The following NSD2 variants were observed in gnomAD, a reference collection of about 807,000 sequenced individuals.
NSD2 encodes nuclear receptor binding SET domain protein 2, also known as histone-lysine N-methyltransferase NSD2.
NSD2 carries 12 observed loss-of-function variants against 139.0 expected under a neutral mutation model. The ratio of observed to expected loss-of-function variants is 0.09; its 90% confidence interval spans 0.06 to 0.14. The LOEUF (loss-of-function observed/expected upper bound fraction) is 0.14. Ranked by LOEUF, NSD2 falls within the 10% of genes least tolerant of loss-of-function variation. The pLI is 1.00. For missense variants in NSD2, 1,155 were observed against 1,745.0 expected (o/e 0.66, Z 6.02); for synonymous variants, 669 against 648.7 (o/e 1.03, Z -0.48).
At position 1,979,726 on chromosome 4, in the gene NSD2, A is replaced by G. The variant is rs1052150405; in HGVS notation, c.*817A>G. The G allele has an allele frequency of 2.6e-5, 6 of 231,866 alleles. No homozygotes were observed. The highest frequency in any genetic ancestry group is 1.8e-4 in the East Asian group (3 of 16,442). 14.4% of individuals were successfully genotyped at this position (231,866 alleles called of 1,614,324 possible). On this transcript the variant is annotated 3_prime_UTR_variant, in exon 22 of 22. Coordinates refer to ENST00000508803, the MANE Select transcript of NSD2 (RefSeq NM_001042424.3). ...GGGGATAACTTTGTATATTTTTTTC[A>G]TTTGGCTTTTCTTTACCAGTTTCTG...
At chr4:1,898,387 A>C (rs530867871) in intron 1 of NSD2, among the ~76,000 whole-genome samples, 1 of 152,174 alleles carries the variant, frequency 6.6e-6, no homozygotes, top group Non-Finnish European at 1.5e-5. Context: ...TTTCGTGGCC[A>C]GGTGCGGTGG....
intron 4 of NSD2, among the ~76,000 whole-genome samples, chr4:1,917,288 T>C (rs551967093): frequency 1.2e-4 from 18 of 152,274 alleles, no homozygotes; most frequent in African/African-American, 3.9e-4. Context: ...TATATACACA[T>C]ATATGTACGT....
chr4:1,917,182 A>T, intron 4 of NSD2, 145 bp downstream of exon 4: 1 of 923,466 alleles, frequency 1.1e-6, no homozygotes, highest in East Asian at 2.8e-5. Flanking sequence ...TTGCCCAAGG[A>T]TGCCATGTTA....
At chr4:1,887,746 A>G (rs1715225042) in intron 1 of NSD2, 1 of 152,184 alleles carries the variant, frequency 6.6e-6, no homozygotes, top group Admixed American at 6.5e-5. Flanking sequence ...ATACACTGTG[A>G]TGGATAATAT....
intron 1 of NSD2, among the ~76,000 whole-genome samples, chr4:1,872,633 A>G (rs547636015): frequency 2.3e-5 from 3 of 131,036 alleles, no homozygotes; most frequent in Admixed American, 7.8e-5. Flanking sequence ...AGAGAGAGAG[A>G]GAGCGCGCAG....
At chr4:1,918,724 A>G in intron 5 of NSD2, 101 bp downstream of exon 5, 1 of 1,462,140 alleles carries the variant, frequency 6.8e-7, no homozygotes, top group Non-Finnish European at 9.2e-7. Context: ...GGAGACTCTA[A>G]CATGAGCCTT....
chr4:1,949,044 C>T (rs981751399), intron 9 of NSD2, among the ~76,000 whole-genome samples: 6 of 152,210 alleles, frequency 3.9e-5, no homozygotes, highest in Non-Finnish European at 8.8e-5. Flanking sequence ...TGAGTGGGGC[C>T]CCAGACAGTG....
At chr4:1,965,945 T>G (rs1334001467) in intron 18 of NSD2, among the ~76,000 whole-genome samples, 2 of 152,224 alleles carry the variant, frequency 1.3e-5, no homozygotes, top group African/African-American at 4.8e-5. Context: ...AGATGCGATT[T>G]GGGTGGGGAC....
intron 10 of NSD2, among the ~76,000 whole-genome samples, chr4:1,951,497 CACACACACACACACACACACACACACAA>C (rs1293724213): frequency 2.5e-4 from 34 of 133,830 alleles, no homozygotes; most frequent in African/African-American, 6.3e-4. Flanking sequence ...CACACACACA[CACACACACACACACACACACACACACAA>C]AGTTCCTGTT....
In NSD2 at chr4:1,948,234, A is replaced by T; in HGVS notation, c.1882-2838A>T. On this transcript the variant is annotated intron_variant, in intron 9 of 21. Coordinates refer to ENST00000508803, the MANE Select transcript of NSD2 (RefSeq NM_001042424.3). The surrounding 1 kb of genome is among the most constrained non-coding windows in gnomAD (Gnocchi z 4.5). ...TGTGGTGGACGCGGGAAACAACGGG[A>T]AAGTTCTTGACAGAGTCTGTGTCCG... The T allele has an allele frequency of 9.4e-7, 1 of 1,064,498 alleles. No individual in the cohort carries two copies. The highest frequency in any genetic ancestry group is 1.1e-6 in the Non-Finnish European group (1 of 878,406). The allele number at this position is 1,064,498 out of a possible 1,614,324, so 65.9% of individuals were successfully genotyped here.
At chr4:1,975,114 G>A in intron 19 of NSD2, 110 bp downstream of exon 19, 1 of 1,538,088 alleles carries the variant, frequency 6.5e-7, no homozygotes, top group Non-Finnish European at 8.8e-7. Flanking sequence ...GGTGGGTGCT[G>A]ATGTGGAGTC....
intron 8 of NSD2, 61 bp downstream of exon 8, chr4:1,938,593 T>TGGGGGGGGG: frequency 7.8e-6 from 4 of 515,350 alleles, no homozygotes; most frequent in Non-Finnish European, 1.1e-5. Context: ...GCTGGGTGGG[T>TGGGGGGGGG]GGGCTGAGAG....
intron 1 of NSD2, among the ~76,000 whole-genome samples, chr4:1,879,754 C>T (rs1714565443): frequency 6.6e-6 from 1 of 151,834 alleles, no homozygotes; most frequent in Non-Finnish European, 1.5e-5. Context: ...TATGGCTCAC[C>T]TCTCATCTCT....
chr4:1,904,492 G>T, intron 3 of NSD2, 114 bp downstream of exon 3: 1 of 1,184,174 alleles, frequency 8.4e-7, no homozygotes, highest in Non-Finnish European at 1.2e-6. Flanking sequence ...CATTTTTGCA[G>T]CTTTACCTAA....
intron 5 of NSD2, among the ~76,000 whole-genome samples, chr4:1,928,024 T>C (rs1721163209): frequency 6.6e-6 from 1 of 151,796 alleles, no homozygotes; most frequent in African/African-American, 2.4e-5. Flanking sequence ...CAAGTAGCTG[T>C]GACTACAGGC....
intron 6 of NSD2, among the ~76,000 whole-genome samples, chr4:1,934,643 T>C (rs1722086742): frequency 6.8e-6 from 1 of 147,702 alleles, no homozygotes; most frequent in African/African-American, 2.5e-5. Context: ...AGGACAGGAG[T>C]TCGAGACCAG....
chr4:1,918,125 CTT>C lies in NSD2; in HGVS notation c.928-7_928-6del, dbSNP rs551185425. On this transcript the variant is annotated splice_polypyrimidine_tract_variant and intron_variant, in intron 4 of 21. Coordinates refer to ENST00000508803, the MANE Select transcript of NSD2 (RefSeq NM_001042424.3). ...TTGTGTAGTGAAACTTACAGTGTCTCTTTTTTTTTTCCCAGCTATTGAAACCA... is the reference window on the plus strand; with the variant it reads ...TTGTGTAGTGAAACTTACAGTGTCTCTTTTTTTTCCCAGCTATTGAAACCA... 7 of 1,467,826 alleles carry C rather than the reference CTT, an allele frequency of 4.8e-6. No individual in the cohort carries two copies. In the East Asian group the frequency reaches 1.2e-4, roughly 26 times the overall value. The allele number at this position is 1,467,826 out of a possible 1,614,324, so 90.9% of individuals were successfully genotyped here.
intron 1 of NSD2, among the ~76,000 whole-genome samples, chr4:1,878,837 G>T (rs1714493643): frequency 6.6e-6 from 1 of 152,206 alleles, no homozygotes; most frequent in Non-Finnish European, 1.5e-5. Context: ...AGGAGGCAAG[G>T]CTGGGAAGGT....
At chr4:1,894,984 G>A (rs1176164245) in intron 1 of NSD2, among the ~76,000 whole-genome samples, 1 of 151,934 alleles carries the variant, frequency 6.6e-6, no homozygotes, top group Admixed American at 6.6e-5. Context: ...TCTACTTCCT[G>A]TCTCTATGTA....
Sources: gnomAD v4.1 joint callset for allele counts (sites outside exome capture counted in the v4.1 genomes callset) on GRCh38, gnomAD v4.1.1 for gene constraint, Gnocchi (gnomAD v3.1) non-coding constraint, MANE v1.5 for transcripts, NCBI Gene and HGNC (gene_info 2026-07-23, HGNC 2026-07-21) for gene names.